The following NDUFAF2 variants were observed in gnomAD, a reference collection of about 807,000 sequenced individuals.
NDUFAF2 encodes NADH:ubiquinone oxidoreductase complex assembly factor 2.
In NDUFAF2, 13 loss-of-function variants were observed where a neutral mutation model predicts 22.8. The ratio of observed to expected loss-of-function variants is 0.57; its 90% CI spans 0.37 to 0.91. The LOEUF (loss-of-function observed/expected upper bound fraction) is 0.91. NDUFAF2 is among the 40% of genes least tolerant of loss of function. The pLI is 0.01. For missense variants in NDUFAF2, 162 were observed against 195.2 expected (o/e 0.83, Z 1.01); for synonymous variants, 53 against 64.2 (o/e 0.83, Z 0.84).
intron 1 of NDUFAF2, among the ~76,000 whole-genome samples, chr5:60,976,864 G>T (rs1750908996): frequency 2.0e-5 from 3 of 152,158 alleles, no homozygotes; most frequent in African/African-American, 7.2e-5. Flanking sequence ...AATAGAAGGA[G>T]AAATGAGCAG....
intron 2 of NDUFAF2, among the ~76,000 whole-genome samples, chr5:61,078,193 C>G (rs1329780480): frequency 6.6e-6 from 1 of 152,138 alleles, no homozygotes; most frequent in Non-Finnish European, 1.5e-5. Flanking sequence ...TCTGCATCCT[C>G]CGCCCTAAAC....
chr5:60,983,502 T>C (rs1180860977), intron 1 of NDUFAF2, among the ~76,000 whole-genome samples: 1 of 148,344 alleles, frequency 6.7e-6, no homozygotes. Context: ...TGGTATTGCC[T>C]AGGTTTTCTT....
chr5:61,072,082 A>G (rs953167805), intron 1 of NDUFAF2, among the ~76,000 whole-genome samples: 2 of 152,176 alleles, frequency 1.3e-5, no homozygotes, highest in Non-Finnish European at 2.9e-5. Context: ...CTGCATTGCT[A>G]CTATTCCACT....
intron 1 of NDUFAF2, among the ~76,000 whole-genome samples, chr5:61,033,963 T>C (rs1326846495): frequency 1.3e-5 from 2 of 152,178 alleles, no homozygotes; most frequent in Non-Finnish European, 2.9e-5. Flanking sequence ...CATCTGTGAC[T>C]TATGGCCTAA....
intron 1 of NDUFAF2, among the ~76,000 whole-genome samples, chr5:60,971,240 C>T (rs1457159060): frequency 6.6e-6 from 1 of 151,046 alleles, no homozygotes; most frequent in African/African-American, 2.4e-5. Context: ...GTGTGCTGCA[C>T]CCATTAACTT....
chr5:61,051,363 C>T (rs1435701440), intron 1 of NDUFAF2, among the ~76,000 whole-genome samples: 1 of 152,104 alleles, frequency 6.6e-6, no homozygotes, highest in Admixed American at 6.5e-5. Flanking sequence ...TGTTCCTAAC[C>T]ATCTGACCCC....
intron 1 of NDUFAF2, among the ~76,000 whole-genome samples, chr5:61,070,724 G>C (rs1204435264): frequency 6.6e-6 from 1 of 151,926 alleles, no homozygotes. Flanking sequence ...GGAATAGAAA[G>C]TTATTTTTTT....
chr5:61,002,922 C>T (rs989453851), intron 1 of NDUFAF2, among the ~76,000 whole-genome samples: 5 of 152,138 alleles, frequency 3.3e-5, no homozygotes, highest in Admixed American at 6.5e-5. Flanking sequence ...ATTCCCTCTT[C>T]AGATTCTCTT....
rs867546040 is a variant in NDUFAF2, at chr5:61,040,298, G to T, written c.128-32827G>T. ...CACACACACACACACGCGCGCGCGC[G>T]CGCGAAAGTTGAAAGCAGAGATTGG... On this transcript the variant is annotated intron_variant, in intron 1 of 3. Transcript: ENST00000296597. 1.7e-4 allele frequency among the ~76,000 whole-genome samples: 25 copies of T among 149,630 alleles called. 1 individual carries two copies. In the Middle Eastern group the frequency reaches 0.014, roughly 86 times the overall value.
intron 2 of NDUFAF2, among the ~76,000 whole-genome samples, chr5:61,077,343 C>T (rs1752382194): frequency 6.6e-6 from 1 of 152,122 alleles, no homozygotes; most frequent in Non-Finnish European, 1.5e-5. Flanking sequence ...AAAAAAGTGT[C>T]ATGTACTAGA....
chr5:61,075,782 A>T (rs2111735651), intron 2 of NDUFAF2, among the ~76,000 whole-genome samples: 1 of 152,332 alleles, frequency 6.6e-6, no homozygotes, highest in East Asian at 1.9e-4. Context: ...ATAACTCAGC[A>T]CCATGAAAAA....
At chr5:61,008,204 T>A (rs754175689) in intron 1 of NDUFAF2, among the ~76,000 whole-genome samples, 3 of 149,140 alleles carry the variant, frequency 2.0e-5, no homozygotes, top group South Asian at 2.2e-4. Context: ...CTAATGCTAA[T>A]TGACGAGTTA....
chr5:61,136,001 G>T (rs1740923795), intron 3 of NDUFAF2, among the ~76,000 whole-genome samples: 1 of 70,422 alleles, frequency 1.4e-5, no homozygotes, highest in African/African-American at 8.6e-5. Flanking sequence ...ATCTAAGCCT[G>T]TCTTTATATA....
intron 1 of NDUFAF2, among the ~76,000 whole-genome samples, chr5:60,978,217 G>A (rs1426094280): frequency 6.6e-6 from 1 of 152,178 alleles, no homozygotes; most frequent in Non-Finnish European, 1.5e-5. Context: ...GAAGTGAATC[G>A]TCTATCTCAG....
At chr5:61,031,576 A>G (rs1392789117) in intron 1 of NDUFAF2, among the ~76,000 whole-genome samples, 24 of 152,042 alleles carry the variant, frequency 1.6e-4, no homozygotes, top group Admixed American at 1.6e-3. Context: ...ACTGCATAGT[A>G]TTCCATGATA....
intron 1 of NDUFAF2, among the ~76,000 whole-genome samples, chr5:60,978,192 G>A (rs146013610): frequency 7.8e-4 from 119 of 152,278 alleles, no homozygotes; most frequent in African/African-American, 2.7e-3. Flanking sequence ...GGAGCATTAA[G>A]ACCAGCCCTA....
Position 60,985,623 on chromosome 5 carries a change from T to C in NDUFAF2, c.127+40241T>C, listed in dbSNP as rs527486154. On this transcript the variant is annotated intron_variant, in intron 1 of 3. Transcript: ENST00000296597. The stretch of plus-strand genomic sequence containing the variant: ...TTGTTCTCTTTGGTTTGAAAGAACA[T>C]TTTTATTTCTGCCTTCATTTCGTTA... 1.4e-4 allele frequency among the ~76,000 whole-genome samples: 21 copies of C among 152,314 alleles called. No individual in the cohort carries two copies. In the South Asian group the frequency reaches 4.1e-3, roughly 30 times the overall value.
At chr5:61,028,528 A>G (rs1343778723) in intron 1 of NDUFAF2, among the ~76,000 whole-genome samples, 1 of 152,130 alleles carries the variant, frequency 6.6e-6, no homozygotes, top group African/African-American at 2.4e-5. Flanking sequence ...TCGGACCTAA[A>G]GTATTATTGT....
At chr5:61,087,200 A>G (rs1210219781) in intron 2 of NDUFAF2, among the ~76,000 whole-genome samples, 1 of 152,180 alleles carries the variant, frequency 6.6e-6, no homozygotes, top group Non-Finnish European at 1.5e-5. Flanking sequence ...GCACAAAAAA[A>G]GAAGTCATAT....
Sources: allele counts gnomAD v4.1 joint callset (sites outside exome capture counted in the v4.1 genomes callset), GRCh38; gene constraint gnomAD v4.1.1; transcripts MANE v1.5; gene names NCBI Gene and HGNC (gene_info 2026-07-23, HGNC 2026-07-21).